FGF13: variants seen among roughly 807,000 people sequenced by gnomAD.
FGF13 encodes the protein fibroblast growth factor 13.
Under a neutral mutation model 19.5 loss-of-function variants are expected in FGF13, and 2 were observed. The ratio of observed to expected loss-of-function variants is 0.10; its 90% CI spans 0.04 to 0.32. The LOEUF (loss-of-function observed/expected upper bound fraction) is 0.32, where lower values mean the gene tolerates loss of function less well. FGF13 is among the 10% of genes least tolerant of loss of function. FGF13 has a pLI of 1.00. For synonymous variants in FGF13, 72 were observed against 76.9 expected (o/e 0.94, Z 0.33); for missense variants, 113 against 192.7 (o/e 0.59, Z 2.45).
intron 1 of FGF13, among the ~76,000 whole-genome samples, chrX:139,176,857 G>A (rs11796342): frequency 1.8e-5 from 2 of 110,096 alleles, no homozygotes; most frequent in Non-Finnish European, 3.8e-5. Flanking sequence ...GAATAAGTGC[G>A]ATGTGTTGCT....
chrX:139,004,990 G>T (rs1049784669), intron 1 of FGF13, among the ~76,000 whole-genome samples: 2 of 112,049 alleles, frequency 1.8e-5, no homozygotes, highest in Non-Finnish European at 3.8e-5. Flanking sequence ...GGGCCTAGGG[G>T]AGGTCACTGC....
chrX:138,913,973 C>A (rs929871187), intron 1 of FGF13, among the ~76,000 whole-genome samples: 5 of 110,024 alleles, frequency 4.5e-5, no homozygotes, highest in Non-Finnish European at 9.5e-5. Context: ...TGAGCTAATG[C>A]CTCATTAATG....
chrX:139,040,673 C>T, intron 1 of FGF13, among the ~76,000 whole-genome samples: 1 of 110,970 alleles, frequency 9.0e-6, no homozygotes, highest in Non-Finnish European at 1.9e-5. Flanking sequence ...TGCAGAAATA[C>T]CATTTGACAC....
intron 1 of FGF13, among the ~76,000 whole-genome samples, chrX:139,107,687 C>T (rs968580838): frequency 1.8e-5 from 2 of 110,149 alleles, no homozygotes; most frequent in African/African-American, 6.6e-5. Context: ...AGTTCATGAT[C>T]GGATATTCAG....
chrX:138,947,289 C>CA (rs1039136100), intron 1 of FGF13, among the ~76,000 whole-genome samples: 15 of 108,104 alleles, frequency 1.4e-4, no homozygotes, highest in East Asian at 5.8e-4. Flanking sequence ...TTAAAATGAG[C>CA]AAAAAAAAAC....
At chrX:138,658,320 A>G (rs1480312561) in intron 3 of FGF13, among the ~76,000 whole-genome samples, 1 of 112,502 alleles carries the variant, frequency 8.9e-6, no homozygotes. Context: ...AATTGCCTTC[A>G]CTACAACAGC....
At chrX:138,907,342 C>T (rs2091563572) in intron 1 of FGF13, among the ~76,000 whole-genome samples, 1 of 111,656 alleles carries the variant, frequency 9.0e-6, no homozygotes, top group Admixed American at 9.5e-5. Context: ...GCTAGCTCCC[C>T]CTCCCCTCTC....
chrX:138,812,093 G>A (rs2090930435), intron 3 of FGF13, among the ~76,000 whole-genome samples: 1 of 110,761 alleles, frequency 9.0e-6, no homozygotes, highest in South Asian at 3.9e-4. Context: ...CCCAGCCCCT[G>A]CAAGCACTAA....
chrX:139,042,055 G>T (rs1240443821), intron 1 of FGF13, among the ~76,000 whole-genome samples: 1 of 112,403 alleles, frequency 8.9e-6, no homozygotes, highest in East Asian at 2.8e-4. Flanking sequence ...TTTCATCATG[G>T]TATTTGACAA....
rs1013466346 is a variant in FGF13 at position 138,614,933 on chromosome X, A to G, written c.*17917T>C. 4.5e-5 allele frequency: 5 copies of G among 112,325 alleles called. No homozygotes were observed. Among genetic ancestry groups the G allele is most frequent in the Non-Finnish European group, 5.6e-5 (3 of 53,289 alleles). 9.3% of individuals were successfully genotyped at this position (112,325 alleles called of 1,213,427 possible). On this transcript the variant is annotated 3_prime_UTR_variant, in exon 5 of 5. Transcript: ENST00000315930. ...TGCTGAGTGACAAAAGCCAATCTCT[A>G]TGTGTTATATACTGTATGATGACAT...
chrX:138,723,312 TAAG>T (rs970347690), intron 1 of FGF13, among the ~76,000 whole-genome samples: 5 of 112,113 alleles, frequency 4.5e-5, no homozygotes, highest in African/African-American at 1.6e-4. Flanking sequence ...TGAATTTCTT[TAAG>T]AAGTGGGAAT....
In FGF13 at chrX:138,865,486, CCTCT is replaced by C. The variant is rs1328298183; in HGVS notation, c.-112-840_-112-837del. 3.8e-3 allele frequency among the ~76,000 whole-genome samples: 352 copies of C among 93,031 alleles called. 2 individuals are homozygous for C. Among genetic ancestry groups the C allele is most frequent in the African/African-American group, 0.014 (341 of 24,470 alleles). The allele number at this position is 93,031 out of a possible 115,157, so 80.8% of individuals were successfully genotyped here. ...CTCTCTCTCTCTCCTCTCTCTCTCT[CCTCT>C]CTCTCTCCTCTCTCTCTCCTCTCTC... On this transcript the variant is annotated intron_variant, in intron 1 of 2. Transcript: ENST00000421460.
chrX:138,929,133 A>C (rs908269797), intron 1 of FGF13, among the ~76,000 whole-genome samples: 1 of 111,981 alleles, frequency 8.9e-6, no homozygotes, highest in Non-Finnish European at 1.9e-5. Flanking sequence ...GCATCAGGAC[A>C]CAGGAATTCA....
intron 3 of FGF13, among the ~76,000 whole-genome samples, chrX:138,832,628 G>C (rs1047640550): frequency 8.9e-6 from 1 of 111,835 alleles, no homozygotes; most frequent in Non-Finnish European, 1.9e-5. Context: ...TTAGTCTTTT[G>C]ATAGCTTATT....
chrX:138,852,661 G>A, downstream of FGF13, among the ~76,000 whole-genome samples: 1 of 111,767 alleles, frequency 8.9e-6, no homozygotes, highest in Middle Eastern at 4.7e-3. Context: ...ATTCCATAAT[G>A]AAAACATCAA....
intron 1 of FGF13, among the ~76,000 whole-genome samples, chrX:139,023,911 T>C (rs918367045): frequency 9.0e-6 from 1 of 111,694 alleles, no homozygotes; most frequent in Admixed American, 9.6e-5. Context: ...TTCTATATTT[T>C]TAATATATTT....
At chrX:138,792,428 A>G (rs2090749107) in intron 3 of FGF13, among the ~76,000 whole-genome samples, 2 of 111,648 alleles carry the variant, frequency 1.8e-5, no homozygotes, top group African/African-American at 6.5e-5. Context: ...TCCAAAGCCT[A>G]GATATTTTTT....
intron 1 of FGF13, among the ~76,000 whole-genome samples, chrX:138,998,746 AC>A (rs1231244584): frequency 9.0e-6 from 1 of 111,544 alleles, no homozygotes; most frequent in Admixed American, 9.5e-5. Flanking sequence ...GGAGACTTTA[AC>A]ACCCCACTGT....
At chrX:139,001,356 A>G (rs900917981) in intron 1 of FGF13, among the ~76,000 whole-genome samples, 1 of 111,970 alleles carries the variant, frequency 8.9e-6, no homozygotes, top group Non-Finnish European at 1.9e-5. Context: ...TAAACTAAAG[A>G]GCTTTTGCAT....
Sources: gnomAD v4.1 joint callset for allele counts (sites outside exome capture counted in the v4.1 genomes callset) on GRCh38, gnomAD v4.1.1 for gene constraint, MANE v1.5 for transcripts, NCBI Gene and HGNC (gene_info 2026-07-23, HGNC 2026-07-21) for gene names.